The following SEMA5A variants were observed in gnomAD, a reference collection of about 807,000 sequenced individuals.
The protein encoded by SEMA5A is semaphorin 5A, also known as semaphorin-5A.
Under a neutral mutation model 135.5 loss-of-function variants are expected in SEMA5A, and 55 were observed. That is an observed-to-expected ratio of 0.41 (90% CI 0.33 to 0.51). The LOEUF is 0.51. Ranked by LOEUF, SEMA5A falls within the 20% of genes least tolerant of loss-of-function variation. SEMA5A has a pLI of 0.37. For missense variants in SEMA5A, 1,290 were observed against 1,419.9 expected (o/e 0.91, Z 1.47); for synonymous variants, 580 against 546.5 (o/e 1.06, Z -0.85).
intron 7 of SEMA5A, among the ~76,000 whole-genome samples, chr5:9,225,325 G>A (rs756767715): frequency 2.0e-5 from 3 of 148,160 alleles, no homozygotes; most frequent in African/African-American, 5.0e-5. Flanking sequence ...AGGCTGAAGC[G>A]GGCAGATCAC....
rs528741097 is a variant in SEMA5A at position 9,170,478 on chromosome 5, GC to G, written c.1274-15784del. Among the ~76,000 whole-genome samples, 15 of 152,114 alleles carry G rather than the reference GC, an allele frequency of 9.9e-5. No homozygotes were observed. The South Asian group carries it at 2.9e-3, about 29-fold the overall frequency. On this transcript the variant is annotated intron_variant, in intron 11 of 22. Coordinates refer to ENST00000382496, the MANE Select transcript of SEMA5A (RefSeq NM_003966.3). ...ATATTGAAATAGGCTGAATATTTGT[GC>G]CCCCCTACCCCCAGATTTAGAGGTT... is the stretch of plus-strand genomic sequence containing the variant.
intron 5 of SEMA5A, among the ~76,000 whole-genome samples, chr5:9,259,358 T>A (rs62341975): frequency 6.6e-6 from 1 of 151,778 alleles, no homozygotes; most frequent in Non-Finnish European, 1.5e-5. Flanking sequence ...TGTAGTTGAG[T>A]GGCTTTGAGT....
chr5:9,222,772 G>C (rs549601914), intron 8 of SEMA5A, among the ~76,000 whole-genome samples: 1 of 152,204 alleles, frequency 6.6e-6, no homozygotes, highest in Non-Finnish European at 1.5e-5. Context: ...CAATGGAAAA[G>C]GAGAATTCAC....
At chr5:9,271,853 G>A (rs575026363) in intron 5 of SEMA5A, among the ~76,000 whole-genome samples, 4 of 152,256 alleles carry the variant, frequency 2.6e-5, no homozygotes, top group Admixed American at 6.5e-5. Flanking sequence ...CTTTTCTCAC[G>A]CTCTTCACAA....
intron 8 of SEMA5A, among the ~76,000 whole-genome samples, chr5:9,207,481 G>C (rs1009714885): frequency 6.6e-6 from 1 of 152,000 alleles, no homozygotes; most frequent in Non-Finnish European, 1.5e-5. Context: ...CACTGCCCCT[G>C]GTCTACCATG....
intron 16 of SEMA5A, among the ~76,000 whole-genome samples, chr5:9,075,524 T>C (rs542701368): frequency 6.9e-6 from 1 of 145,094 alleles, no homozygotes; most frequent in African/African-American, 2.6e-5. Context: ...CAACAAAGCA[T>C]CTGAAAATAA....
intron 1 of SEMA5A, among the ~76,000 whole-genome samples, chr5:9,487,608 T>A (rs1472644795): frequency 6.6e-6 from 1 of 152,204 alleles, no homozygotes; most frequent in Non-Finnish European, 1.5e-5. Flanking sequence ...TAGTTCACTC[T>A]ACTTTAAAGA....
intron 2 of SEMA5A, among the ~76,000 whole-genome samples, chr5:9,405,353 C>A (rs1156373836): frequency 2.0e-5 from 3 of 152,180 alleles, no homozygotes; most frequent in African/African-American, 7.2e-5. Context: ...TTAGTCTAAA[C>A]TTTCCATTCA....
intron 16 of SEMA5A, among the ~76,000 whole-genome samples, chr5:9,075,959 C>T (rs1191837369): frequency 1.3e-5 from 2 of 152,066 alleles, no homozygotes; most frequent in Non-Finnish European, 2.9e-5. Context: ...GTAATCCCAG[C>T]ACTTTGGGAG....
At chr5:9,520,377 T>C (rs1736757225) in intron 1 of SEMA5A, among the ~76,000 whole-genome samples, 1 of 151,962 alleles carries the variant, frequency 6.6e-6, no homozygotes. Flanking sequence ...AATGGCGTGC[T>C]GGGAATAGGG....
At chr5:9,473,730 A>C (rs964141480) in intron 1 of SEMA5A, among the ~76,000 whole-genome samples, 4 of 152,152 alleles carry the variant, frequency 2.6e-5, no homozygotes, top group African/African-American at 9.7e-5. Flanking sequence ...GGACTGGCAG[A>C]AGGGCTTCTG....
intron 2 of SEMA5A, among the ~76,000 whole-genome samples, chr5:9,400,959 C>T (rs530934521): frequency 1.3e-5 from 2 of 152,040 alleles, no homozygotes; most frequent in South Asian, 2.1e-4. Flanking sequence ...TTATTTAATG[C>T]TTGTGTTGGT....
intron 2 of SEMA5A, among the ~76,000 whole-genome samples, chr5:9,414,849 G>A (rs1456219369): frequency 6.6e-6 from 1 of 152,166 alleles, no homozygotes; most frequent in Non-Finnish European, 1.5e-5. Context: ...ATGGGACCAA[G>A]AGCCCGTTAC....
intron 16 of SEMA5A, among the ~76,000 whole-genome samples, chr5:9,079,602 A>G (rs1738257525): frequency 6.6e-6 from 1 of 152,154 alleles, no homozygotes; most frequent in South Asian, 2.1e-4. Context: ...CAGAGTGGAC[A>G]GGCAATCTAC....
intron 2 of SEMA5A, among the ~76,000 whole-genome samples, chr5:9,403,038 C>T (rs541492723): frequency 6.6e-6 from 1 of 152,160 alleles, no homozygotes; most frequent in Non-Finnish European, 1.5e-5. Context: ...TGCCTACATG[C>T]CCCTTGCTCT....
intron 1 of SEMA5A, among the ~76,000 whole-genome samples, chr5:9,472,141 C>T (rs1759498714): frequency 1.3e-5 from 2 of 152,214 alleles, no homozygotes; most frequent in South Asian, 4.1e-4. Flanking sequence ...ACTATTGACT[C>T]ATTGCTTCTA....
intron 3 of SEMA5A, among the ~76,000 whole-genome samples, chr5:9,378,844 ATTTG>A (rs113254184): frequency 3.9e-5 from 6 of 152,120 alleles, no homozygotes; most frequent in South Asian, 2.1e-4. Context: ...ATCATTTATT[ATTTG>A]TTTGTTTGTT....
chr5:9,165,958 A>C (rs888250305), intron 11 of SEMA5A, among the ~76,000 whole-genome samples: 1 of 152,182 alleles, frequency 6.6e-6, no homozygotes, highest in Admixed American at 6.5e-5. Flanking sequence ...ATAGAAAAGG[A>C]GAATTCAGAG....
intron 15 of SEMA5A, among the ~76,000 whole-genome samples, chr5:9,117,610 G>T (rs551622580): frequency 1.1e-4 from 16 of 151,990 alleles, no homozygotes; most frequent in Non-Finnish European, 1.6e-4. Flanking sequence ...CATTTTGACG[G>T]CAAAAGTCAA....
Sources: gnomAD v4.1 joint callset for allele counts (sites outside exome capture counted in the v4.1 genomes callset) on GRCh38, gnomAD v4.1.1 for gene constraint, MANE v1.5 for transcripts, NCBI Gene and HGNC (gene_info 2026-07-23, HGNC 2026-07-21) for gene names.